Variants in NTNG2 observed in about 807,000 individuals in gnomAD.
NTNG2 encodes netrin G2.
NTNG2 carries 15 observed loss-of-function variants against 47.6 expected under a neutral mutation model. That is an observed-to-expected ratio of 0.32 (90% CI 0.21 to 0.49). The LOEUF is 0.49. NTNG2 is among the 20% of genes least tolerant of loss of function. The probability of loss-of-function intolerance (pLI) is 0.99; values close to 1 mark genes in which losing one functional copy is unlikely to be tolerated. For synonymous variants in NTNG2, 307 were observed against 324.6 expected, an observed-to-expected ratio of 0.95 and a Z score of 0.58; for missense variants, 578 against 764.6, an observed-to-expected ratio of 0.76 and a Z score of 2.88.
chr9:132,184,971 A>C (rs377376747), intron 2 of NTNG2, among the ~76,000 whole-genome samples: 159 of 152,306 alleles, frequency 1.0e-3, no homozygotes, highest in African/African-American at 3.6e-3. Flanking sequence ...AGCTGGTGGC[A>C]GAGCCAGGCC....
At chr9:132,172,049 C>T (rs952751971) in intron 2 of NTNG2, among the ~76,000 whole-genome samples, 9 of 152,198 alleles carry the variant, frequency 5.9e-5, no homozygotes, top group African/African-American at 1.7e-4. Context: ...ATGGTGACAC[C>T]GGGGCCTGAT....
At chr9:132,210,807 G>A (rs193119687) in intron 3 of NTNG2, among the ~76,000 whole-genome samples, 7 of 152,146 alleles carry the variant, frequency 4.6e-5, no homozygotes, top group East Asian at 1.9e-4. Context: ...CAGAGGGAGC[G>A]TGGGGTGGGT....
chr9:132,235,574 G>A (rs1224550730), intron 5 of NTNG2, among the ~76,000 whole-genome samples: 2 of 152,198 alleles, frequency 1.3e-5, no homozygotes, highest in African/African-American at 4.8e-5. Context: ...GCGGGGCTGT[G>A]ATGCCTCAGT....
chr9:132,199,429 C>A (rs962181328), intron 3 of NTNG2, among the ~76,000 whole-genome samples: 2 of 152,172 alleles, frequency 1.3e-5, no homozygotes, highest in African/African-American at 4.8e-5. Flanking sequence ...CCAGGAGATA[C>A]CAGGTGCAAG....
chr9:132,241,761 A>T, intron 7 of NTNG2, 115 bp from the exon 8 acceptor site: 1 of 725,802 alleles, frequency 1.4e-6, no homozygotes, highest in Non-Finnish European at 2.1e-6. Flanking sequence ...GGAGCCTCCT[A>T]CATCCCCGGC....
In NTNG2 at chr9:132,226,886, C is replaced by A; in HGVS notation, c.895C>A (p.Arg299Ser). ...CNLHANLCSM[R>S]EGSLQCECEH... ...CCTGCACGCCAACCTGTGCTCCATGCGCGAGGGCAGCCTGCAGTGCGAGTG... is the reference window on the plus strand; with the variant it reads ...CCTGCACGCCAACCTGTGCTCCATGAGCGAGGGCAGCCTGCAGTGCGAGTG... Residue 299 changes from arginine to serine, a missense_variant, in exon 4 of 8, where the codon CGC becomes AGC. Transcript: ENST00000393229. The surrounding 1 kb of genome is among the most constrained non-coding windows in gnomAD (Gnocchi z 4.8). 1 of 1,611,278 alleles carries A rather than the reference C, an allele frequency of 6.2e-7. No homozygotes were observed. The highest frequency in any genetic ancestry group is 8.5e-7 in the Non-Finnish European group (1 of 1,179,040).
At position 132,244,352 on chromosome 9, in the gene NTNG2, C is replaced by G. The variant is rs1458475892; in HGVS notation, c.*2241C>G. On this transcript the variant is annotated 3_prime_UTR_variant, in exon 8 of 8. Transcript: ENST00000393229. The stretch of plus-strand genomic sequence containing the variant: ...CCTCTGCACTGCTTTTATTTATCTA[C>G]TTATTTTTATAGAGTTGAGGTCTCA... The G allele has an allele frequency of 1.3e-5, 2 of 152,244 alleles. No individual in the cohort carries two copies. The highest frequency in any genetic ancestry group is 4.8e-5 in the African/African-American group (2 of 41,444). The allele number at this position is 152,244 out of a possible 1,614,324, so 9.4% of individuals were successfully genotyped here.
In NTNG2 at chr9:132,216,205, G is replaced by A. The variant is rs559987891; in HGVS notation, c.858-10644G>A. Among the ~76,000 whole-genome samples the A allele has an allele frequency of 8.5e-5, 13 of 152,258 alleles. No individual in the cohort carries two copies. The South Asian group carries it at 1.2e-3, about 15-fold the overall frequency. On this transcript the variant is annotated intron_variant, in intron 3 of 7. Coordinates refer to ENST00000393229, the MANE Select transcript of NTNG2 (RefSeq NM_032536.4). The stretch of plus-strand genomic sequence containing the variant: ...CTCCATGCCGGTTGCTGCACACAGA[G>A]CTCCCATGCATTATCCCCTTCCTCC...
chr9:132,168,535 G>A (rs558085419), intron 2 of NTNG2, among the ~76,000 whole-genome samples: 16 of 152,320 alleles, frequency 1.1e-4, no homozygotes, highest in African/African-American at 3.8e-4. Flanking sequence ...GGCTGGGCCA[G>A]GGCCAGCTGG....
In NTNG2 at chr9:132,162,734, G is replaced by A. The variant is rs1835165512; in HGVS notation, c.-484+495G>A. On this transcript the variant is annotated intron_variant, in intron 1 of 7. Coordinates refer to ENST00000393229, the MANE Select transcript of NTNG2 (RefSeq NM_032536.4). This position sits in a 1 kb window ranked among gnomAD's most constrained non-coding sequence, Gnocchi z 4.6. The stretch of plus-strand genomic sequence containing the variant: ...CACCGCTTAGAGCCACCCCCATCCC[G>A]TGCCCTCCCATCTCTCTGCAAACTG... 1.3e-5 allele frequency among the ~76,000 whole-genome samples: 2 copies of A among 151,462 alleles called. No homozygotes were observed. The highest frequency in any genetic ancestry group is 2.9e-5 in the Non-Finnish European group (2 of 67,846).
At position 132,162,555 on chromosome 9, in the gene NTNG2, T is replaced by TGAGA. The variant is rs1554775835; in HGVS notation, c.-484+323_-484+326dup. Among the ~76,000 whole-genome samples the TGAGA allele has an allele frequency of 2.6e-3, 366 of 139,466 alleles. 15 individuals are homozygous for TGAGA. Among genetic ancestry groups the TGAGA allele is most frequent in the African/African-American group, 8.9e-3 (329 of 36,860 alleles). The allele number at this position is 139,466 out of a possible 152,430, so 91.5% of individuals were successfully genotyped here. On this transcript the variant is annotated intron_variant, in intron 1 of 7. Coordinates refer to ENST00000393229, the MANE Select transcript of NTNG2 (RefSeq NM_032536.4). This position sits in a 1 kb window ranked among gnomAD's most constrained non-coding sequence, Gnocchi z 4.6. ...GTGAGAGTGTGTGTGTGTGTGTGTGTGAGAGAGAGACAGAGTGTGTGTGTG... is the reference window on the plus strand; with the variant it reads ...GTGAGAGTGTGTGTGTGTGTGTGTGTGAGAGAGAGAGAGACAGAGTGTGTGTGTG...
At chr9:132,176,301 C>T (rs550978023) in intron 2 of NTNG2, among the ~76,000 whole-genome samples, 1 of 152,314 alleles carries the variant, frequency 6.6e-6, no homozygotes, top group South Asian at 2.1e-4. Context: ...AGTCCCAACA[C>T]GTTTCCATCG....
intron 1 of NTNG2, among the ~76,000 whole-genome samples, chr9:132,165,338 A>G (rs1835437704): frequency 6.6e-6 from 1 of 152,068 alleles, no homozygotes; most frequent in East Asian, 1.9e-4. Flanking sequence ...TAAATAATTA[A>G]CAGAAGCTTA....
At position 132,242,389 on chromosome 9, in the gene NTNG2, C is replaced by CTT. The variant is rs576454643; in HGVS notation, c.*294_*295dup. 6.6e-3 allele frequency: 892 copies of CTT among 134,196 alleles called. 13 individuals are homozygous for CTT. The highest frequency in any genetic ancestry group is 0.024 in the African/African-American group (823 of 34,140). The allele number at this position is 134,196 out of a possible 1,614,324, so 8.3% of individuals were successfully genotyped here. ...TCCTTTTTTGTCTTTCTCTCTCTCTCTTTTTTTTTTTTTTTTTCTGGCGGT... is the reference window on the plus strand; with the variant it reads ...TCCTTTTTTGTCTTTCTCTCTCTCTCTTTTTTTTTTTTTTTTTTTCTGGCGGT... On this transcript the variant is annotated 3_prime_UTR_variant, in exon 8 of 8. Transcript: ENST00000393229. This position sits in a 1 kb window ranked among gnomAD's most constrained non-coding sequence, Gnocchi z 5.9.
chr9:132,237,023 C>T (rs552730325), intron 5 of NTNG2, among the ~76,000 whole-genome samples: 2 of 152,232 alleles, frequency 1.3e-5, no homozygotes, highest in African/African-American at 4.8e-5. Context: ...AAGAGACGGG[C>T]GTGGTGTGCA....
chr9:132,237,221 G>A (rs1169856185), intron 5 of NTNG2, among the ~76,000 whole-genome samples: 1 of 152,168 alleles, frequency 6.6e-6, no homozygotes, highest in African/African-American at 2.4e-5. Flanking sequence ...TTCAGGAAGG[G>A]GCCCCACCTC....
At position 132,231,876 on chromosome 9, in the gene NTNG2, G is replaced by A. The variant is rs986779552; in HGVS notation, c.1054+1281G>A. The A allele has an allele frequency of 1.1e-4, 18 of 157,338 alleles. No individual in the cohort carries two copies. The highest frequency in any genetic ancestry group is 4.2e-4 in the Admixed American group (7 of 16,494). 9.7% of individuals were successfully genotyped at this position (157,338 alleles called of 1,614,324 possible). Reference sequence around the variant, plus strand: ...CTGCCTCTCTTGGGGTGGGAGGGTCGGCAGCCCTGGGCAGAGAGCAGGGGC... The same window carrying A: ...CTGCCTCTCTTGGGGTGGGAGGGTCAGCAGCCCTGGGCAGAGAGCAGGGGC... On this transcript the variant is annotated intron_variant, in intron 5 of 7. Transcript: ENST00000393229. The surrounding 1 kb of genome is among the most constrained non-coding windows in gnomAD (Gnocchi z 4.1).
Position 132,198,379 on chromosome 9 carries a change from G to C in NTNG2, c.627G>C (p.Lys209Asn), listed in dbSNP as rs1263291111. The C allele has an allele frequency of 6.2e-7, 1 of 1,613,016 alleles. No individual in the cohort carries two copies. The highest frequency in any genetic ancestry group is 1.7e-5 in the Admixed American group (1 of 60,016). ...GCTGGGCAGGCTCCAAGAAGGAGAA[G>C]CACGTGCGCTTCGAGGTGCGGGACC... ...YSRWAGSKKE[K>N]HVRFEVRDRF... The change falls in exon 3 of 8, where the codon AAG becomes AAC. Residue 209 changes from lysine (K) to asparagine (N), a missense_variant. Coordinates refer to ENST00000393229, the MANE Select transcript of NTNG2 (RefSeq NM_032536.4).
At chr9:132,188,273 G>A (rs1837559282) in intron 2 of NTNG2, among the ~76,000 whole-genome samples, 1 of 152,232 alleles carries the variant, frequency 6.6e-6, no homozygotes, top group African/African-American at 2.4e-5. Context: ...GTGAGGCTGA[G>A]GGGCTGAGGA....
Sources: allele counts gnomAD v4.1 joint callset (sites outside exome capture counted in the v4.1 genomes callset), GRCh38; gene constraint gnomAD v4.1.1; non-coding constraint Gnocchi (gnomAD v3.1); transcripts MANE v1.5; gene names NCBI Gene and HGNC (gene_info 2026-07-23, HGNC 2026-07-21).